PTPN2: variants seen among roughly 807,000 people sequenced by gnomAD.
PTPN2 encodes protein tyrosine phosphatase non-receptor type 2.
PTPN2 carries 19 observed loss-of-function variants against 57.3 expected under a neutral mutation model. The ratio of observed to expected loss-of-function variants is 0.33; its 90% CI spans 0.23 to 0.49. The LOEUF (loss-of-function observed/expected upper bound fraction) is 0.49, where lower values mean the gene tolerates loss of function less well. Ranked by LOEUF, PTPN2 falls within the 20% of genes least tolerant of loss-of-function variation. The pLI, the probability that PTPN2 is intolerant of heterozygous loss-of-function variation, is 0.99. For synonymous variants in PTPN2, 153 were observed against 164.9 expected (o/e 0.93, Z 0.55); for missense variants, 358 against 501.1 (o/e 0.71, Z 2.73).
chr18:12,825,353 A>G (rs916229435), intron 5 of PTPN2, among the ~76,000 whole-genome samples: 1 of 152,060 alleles, frequency 6.6e-6, no homozygotes, highest in Non-Finnish European at 1.5e-5. Context: ...CTTGCTGGGC[A>G]TTTACTAAGG....
chr18:12,850,875 G>A (rs1317380464), intron 2 of PTPN2, among the ~76,000 whole-genome samples: 3 of 152,106 alleles, frequency 2.0e-5, no homozygotes, highest in Non-Finnish European at 2.9e-5. Context: ...GAGTAGCTGA[G>A]ATTACAGGCA....
chr18:12,845,439 T>G (rs1177084361), intron 2 of PTPN2, among the ~76,000 whole-genome samples: 6 of 152,194 alleles, frequency 3.9e-5, no homozygotes, highest in African/African-American at 1.4e-4. Flanking sequence ...TTCCATTTTC[T>G]TAGAGCAACT....
chr18:12,788,939 T>C (rs550712915), downstream of PTPN2, among the ~76,000 whole-genome samples: 6 of 152,298 alleles, frequency 3.9e-5, no homozygotes, highest in African/African-American at 1.4e-4. Flanking sequence ...AGTTCTTACT[T>C]AAATAATACT....
intron 1 of PTPN2, among the ~76,000 whole-genome samples, chr18:12,866,482 A>AAAAC (rs2043998969): frequency 2.2e-5 from 3 of 137,562 alleles, no homozygotes; most frequent in Admixed American, 7.0e-5. Context: ...CAAAACAAAA[A>AAAAC]AACAGATACA....
chr18:12,825,893 C>G lies in PTPN2; in HGVS notation c.412G>C (p.Glu138Gln). The change falls in exon 5 of 9, where the codon GAA becomes CAA. Residue 138 changes from glutamate to glutamine, a missense_variant. Glu to Gln is a conservative substitution (Grantham distance 29, BLOSUM62 2). This residue lies in a region of PTPN2 where 193 missense variants were observed against 315.4 expected (regional missense o/e 0.61). Transcript: ENST00000309660. ...PTDDQEMLFK[E>Q]TGFSVKLLSE... is the part of the protein sequence containing the mutation. ...AAGAGCTTCACACTGAATCCTGTTT[C>G]TTTAAACAGCATCTCTTGGTCATCT... is the stretch of plus-strand genomic sequence containing the variant. 6.2e-7 allele frequency: 1 copy of G among 1,610,836 alleles called. No homozygotes were observed. The highest frequency in any genetic ancestry group is 8.5e-7 in the Non-Finnish European group (1 of 1,177,648).
intron 8 of PTPN2, among the ~76,000 whole-genome samples, chr18:12,797,021 T>G (rs2041214762): frequency 2.0e-5 from 3 of 152,212 alleles, no homozygotes; most frequent in South Asian, 2.1e-4. Flanking sequence ...TCCCTGGCTG[T>G]CTGAACTCCA....
chr18:12,883,939 G>C (rs1168703327), intron 1 of PTPN2, 134 bp downstream of exon 1: 3 of 683,272 alleles, frequency 4.4e-6, no homozygotes, highest in East Asian at 6.4e-5. Flanking sequence ...CCCTGACGCG[G>C]ACCGCGCCGC....
At chr18:12,844,336 G>A (rs966390698) in intron 2 of PTPN2, among the ~76,000 whole-genome samples, 5 of 152,200 alleles carry the variant, frequency 3.3e-5, no homozygotes, top group Non-Finnish European at 5.9e-5. Flanking sequence ...CTAAGTATAC[G>A]TTCAGCTTTT....
intron 5 of PTPN2, among the ~76,000 whole-genome samples, chr18:12,824,944 G>A (rs939949342): frequency 6.6e-6 from 1 of 152,112 alleles, no homozygotes; most frequent in Non-Finnish European, 1.5e-5. Context: ...AAGAAAATTA[G>A]GTATGGTGGC....
rs1189050273 is a variant in PTPN2, at chr18:12,801,988, A to G, written c.1022T>C (p.Met341Thr). The G allele has an allele frequency of 2.5e-6, 4 of 1,608,036 alleles. No homozygotes were observed. The highest frequency in any genetic ancestry group is 3.4e-5 in the Admixed American group (2 of 59,452). Residue 341 changes from methionine to threonine, a missense_variant, in exon 8 of 9, where the codon ATG becomes ACG. Around this residue, in one of 4 missense-constraint regions of PTPN2, gnomAD observed 96 missense variants for 110.8 expected, o/e 0.87. Transcript: ENST00000309660. ...AGCTTACCTCTCACTGTTCTCCTCC[A>G]TTGTATCTTGCATTTTAGAGGAAAG... ...TGLSSKMQDT[M>T]EENSESALRK... is the part of the protein sequence containing the mutation.
At chr18:12,843,831 G>C in intron 2 of PTPN2, 1 of 152,374 alleles carries the variant, frequency 6.6e-6, no homozygotes, top group East Asian at 1.9e-4. Flanking sequence ...CAGTTCTACA[G>C]GCACTCATTT....
At chr18:12,878,954 T>G (rs2044582073) in intron 1 of PTPN2, among the ~76,000 whole-genome samples, 1 of 152,232 alleles carries the variant, frequency 6.6e-6, no homozygotes, top group African/African-American at 2.4e-5. Context: ...AGTTTTAGTC[T>G]TTTCCTCAGT....
intron 2 of PTPN2, among the ~76,000 whole-genome samples, chr18:12,845,140 C>T (rs1339974536): frequency 6.6e-6 from 1 of 152,040 alleles, no homozygotes; most frequent in Non-Finnish European, 1.5e-5. Flanking sequence ...TATTTTAGTT[C>T]CTTTGCCTTT....
At chr18:12,807,586 A>AAAATATATATATATATATATATAT in intron 7 of PTPN2, among the ~76,000 whole-genome samples, 2 of 35,200 alleles carry the variant, frequency 5.7e-5, no homozygotes, top group Non-Finnish European at 1.2e-4. Flanking sequence ...AAAAAAAAAA[A>AAAATATATATATATATATATATAT]ATATATATAT....
At chr18:12,870,458 TATATAGAGAG>T (rs1333457212) in intron 1 of PTPN2, among the ~76,000 whole-genome samples, 2 of 30,284 alleles carry the variant, frequency 6.6e-5, no homozygotes, top group South Asian at 2.3e-3. Context: ...TATATATATA[TATATAGAGAG>T]AGAGAGAGAG....
chr18:12,791,504 A>C (rs1332775235), downstream of PTPN2, among the ~76,000 whole-genome samples: 1 of 152,160 alleles, frequency 6.6e-6, no homozygotes, highest in Non-Finnish European at 1.5e-5. Flanking sequence ...TTACCAGAGA[A>C]GGCAGCCACG....
intron 3 of PTPN2, 45 bp downstream of exon 3, chr18:12,836,746 C>A: frequency 8.0e-7 from 1 of 1,251,242 alleles, no homozygotes; most frequent in South Asian, 1.2e-5. Context: ...AGAACAAGCA[C>A]AAACACATCA....
intron 2 of PTPN2, among the ~76,000 whole-genome samples, chr18:12,857,831 A>G (rs933567138): frequency 2.6e-5 from 4 of 152,214 alleles, no homozygotes; most frequent in Admixed American, 6.5e-5. Flanking sequence ...CTTTAAGAAC[A>G]CTTCTAACTG....
chr18:12,847,038 T>C (rs2043233755), intron 2 of PTPN2, among the ~76,000 whole-genome samples: 1 of 82,838 alleles, frequency 1.2e-5, no homozygotes, highest in African/African-American at 4.1e-5. Context: ...GTACAAGATT[T>C]TTGTCAGTCC....
Sources: allele counts gnomAD v4.1 joint callset (sites outside exome capture counted in the v4.1 genomes callset), GRCh38; gene constraint gnomAD v4.1.1; regional missense constraint gnomAD v4.1.1; transcripts MANE v1.5; gene names NCBI Gene and HGNC (gene_info 2026-07-23, HGNC 2026-07-21).